PIGT: variants seen among roughly 807,000 people sequenced by gnomAD.
PIGT encodes GPI-anchor transamidase component PIGT.
A neutral mutation model predicts 66.7 loss-of-function variants in PIGT; 57 were observed. That is an observed-to-expected ratio of 0.86 (90% CI 0.69 to 1.07). The LOEUF is 1.07. Among genes scored for constraint, PIGT ranks in the 50% least tolerant of loss-of-function variants. PIGT has a pLI of 0.00. For synonymous variants in PIGT, 362 were observed against 320.5 expected (o/e 1.13, Z -1.38); for missense variants, 725 against 740.4 (o/e 0.98, Z 0.24).
At chr20:45,420,744 G>T in intron 8 of PIGT, 51 bp downstream of exon 8, 1 of 1,576,696 alleles carries the variant, frequency 6.3e-7, no homozygotes, top group South Asian at 1.1e-5. Context: ...ACAGAGAAAA[G>T]ACTCACAATC....
chr20:45,420,009 T>G, intron 5 of PIGT, 127 bp from the exon 6 acceptor site: 1 of 691,184 alleles, frequency 1.4e-6, no homozygotes, highest in Non-Finnish European at 2.5e-6. Context: ...TGCTCAGGAG[T>G]GGGTGGTAGC....
At chr20:45,419,986 G>C (rs1372884308) in intron 5 of PIGT, 150 bp from the exon 6 acceptor site, 2 of 637,642 alleles carry the variant, frequency 3.1e-6, no homozygotes, top group Non-Finnish European at 2.8e-6. Flanking sequence ...ACGGGGTCTG[G>C]CACGAGGTCA....
intron 11 of PIGT, 45 bp downstream of exon 11, chr20:45,424,624 C>A: frequency 6.6e-7 from 1 of 1,518,544 alleles, no homozygotes; most frequent in Non-Finnish European, 9.1e-7. Flanking sequence ...CAGCTGCCTG[C>A]TGGGCCTTAA....
chr20:45,424,522 C>T lies in PIGT; in HGVS notation c.1427C>T (p.Pro476Leu). Residue 476 changes from proline to leucine, a missense_variant, in exon 11 of 12, where the codon CCC becomes CTC. Pro to Leu is a moderately conservative substitution (Grantham distance 98, BLOSUM62 -3). Coordinates refer to ENST00000279036, the MANE Select transcript of PIGT (RefSeq NM_015937.6). ...CCATCTGTCCTCAGCGCCCTTGTGC[C>T]CAGCATGGTAGCAGCCAAGCCAGTG... ...VSPSVLSALV[P>L]SMVAAKPVDW... The T allele has an allele frequency of 6.2e-7, 1 of 1,614,158 alleles. No individual in the cohort carries two copies.
rs776974834 is a variant in PIGT at position 45,420,214 on chromosome 20, GGAAA to G, written c.766_769del (p.Lys256ThrfsTer38). The G allele has an allele frequency of 3.1e-6, 5 of 1,610,456 alleles. No individual in the cohort carries two copies. The highest frequency in any genetic ancestry group is 1.1e-5 in the South Asian group (1 of 90,254). ...ATTTGATGCCTTCATCACGGGGCAG[GGAAA>G]GAAAGGTAAGTTACCTTGGCAACTC... is the stretch of plus-strand genomic sequence containing the variant. On this transcript the variant is annotated frameshift_variant, in exon 6 of 12. Coordinates refer to ENST00000279036, the MANE Select transcript of PIGT (RefSeq NM_015937.6). LOFTEE classifies it high-confidence loss of function.
chr20:45,424,304 G>A lies in PIGT; in HGVS notation c.1323G>A (p.Lys441=), dbSNP rs371472718. ...AGCTGCCGGCCAACTCAGTCACCAA[G>A]GTTTCCATCCAGTTTGAGCGGGCGC... The part of the protein sequence containing the change: ...LIQLPANSVT[K]VSIQFERALL... Residue 441 remains lysine, a synonymous_variant, in exon 10 of 12, where the codon AAG becomes AAA. Transcript: ENST00000279036. 1 of 1,614,190 alleles carries A rather than the reference G, an allele frequency of 6.2e-7. No homozygotes were observed. Among genetic ancestry groups the A allele is most frequent in the South Asian group, 1.1e-5 (1 of 91,086 alleles).
intron 2 of PIGT, chr20:45,418,003 G>A (rs996211484): frequency 3.3e-5 from 5 of 152,196 alleles, no homozygotes; most frequent in Admixed American, 6.5e-5. Flanking sequence ...TGCCTGAAAT[G>A]TGGAGCAAAT....
At chr20:45,424,139 A>T in intron 9 of PIGT, 77 bp from the exon 10 acceptor site, 1 of 1,402,564 alleles carries the variant, frequency 7.1e-7, no homozygotes, top group Non-Finnish European at 1.0e-6. Context: ...TTGAGGCTCC[A>T]TGGCAAGCAG....
At position 45,424,300 on chromosome 20, in the gene PIGT, C is replaced by G. The variant is rs762166100; in HGVS notation, c.1319C>G (p.Thr440Ser). 1 of 1,614,186 alleles carries G rather than the reference C, an allele frequency of 6.2e-7. No individual in the cohort carries two copies. Among genetic ancestry groups the G allele is most frequent in the South Asian group, 1.1e-5 (1 of 91,072 alleles). ...MLIQLPANSV[T>S]KVSIQFERAL... ...ATTCAGCTGCCGGCCAACTCAGTCA[C>G]CAAGGTTTCCATCCAGTTTGAGCGG... The change falls in exon 10 of 12, where the codon ACC becomes AGC. Residue 440 changes from threonine (T) to serine (S), a missense_variant. Transcript: ENST00000279036.
rs2145446603 is a variant in PIGT at position 45,419,682 on chromosome 20, A to G, written c.681+92A>G. On this transcript the variant is annotated intron_variant, in intron 5 of 11. Transcript: ENST00000279036. ...GTCAGTGTCTGGCTCAGGCTGAGTG[A>G]GTACTGAGTGGTAGATGTGATGACG... is the stretch of plus-strand genomic sequence containing the variant. 3.4e-6 allele frequency: 3 copies of G among 891,988 alleles called. No homozygotes were observed. In the East Asian group the frequency reaches 7.2e-5, roughly 21 times the overall value. The allele number at this position is 891,988 out of a possible 1,614,324, so 55.3% of individuals were successfully genotyped here.
intron 2 of PIGT, 131 bp downstream of exon 2, chr20:45,416,825 TG>T (rs956901074): frequency 1.2e-5 from 9 of 781,614 alleles, no homozygotes; most frequent in Non-Finnish European, 1.7e-5. Context: ...GAGCTGGCAT[TG>T]GAAGTAAGAA....
Position 45,416,524 on chromosome 20 carries a change from T to C in PIGT, c.195T>C (p.His65=). ...DSELQREGVS[H]YRLFPKALGQ... is the part of the protein sequence containing the mutation. ...CTGCTCCCGTTTCCCCAGTGTCCCA[T>C]TACAGGCTCTTTCCCAAAGCCCTGG... Residue 65 remains histidine, a synonymous_variant, in exon 2 of 12, where the codon CAT becomes CAC. Coordinates refer to ENST00000279036, the MANE Select transcript of PIGT (RefSeq NM_015937.6). The C allele has an allele frequency of 2.5e-6, 4 of 1,614,042 alleles. No individual in the cohort carries two copies. The highest frequency in any genetic ancestry group is 2.7e-5 in the African/African-American group (2 of 75,058).
In PIGT at chr20:45,424,352, G is replaced by C; in HGVS notation, c.1371G>C (p.Thr457=). ...CGCTGCTGAAGTGGACCGAGTACAC[G>C]CCAGATCCTAACCATGGCTTCTATG... ...ERALLKWTEY[T]PDPNHGFYVS... Residue 457 remains threonine (T), a synonymous_variant, in exon 10 of 12, where the codon ACG becomes ACC. Transcript: ENST00000279036. The C allele has an allele frequency of 6.2e-7, 1 of 1,613,912 alleles. No individual in the cohort carries two copies. The highest frequency in any genetic ancestry group is 8.5e-7 in the Non-Finnish European group (1 of 1,179,950).
Position 45,420,327 on chromosome 20 carries a change from C to T in PIGT, c.770-5C>T, listed in dbSNP as rs1202028360. 6.2e-7 allele frequency: 1 copy of T among 1,611,718 alleles called. No individual in the cohort carries two copies. Among genetic ancestry groups the T allele is most frequent in the South Asian group, 1.1e-5 (1 of 90,558 alleles). ...CCCTGCTCAGCCCTGCGCTCTGTTT[C>T]TCAGACTGGTCCCTCTTCCGGATGT... On this transcript the variant is annotated splice_polypyrimidine_tract_variant and splice_region_variant and intron_variant, in intron 6 of 11. Coordinates refer to ENST00000279036, the MANE Select transcript of PIGT (RefSeq NM_015937.6).
Position 45,416,498 on chromosome 20 carries a change from CCTG to C in PIGT, c.188-16_188-14del, listed in dbSNP as rs763989237. ...CCGACGAGGTGGGGATCGTCACTCACCTGCTCCCGTTTCCCCAGTGTCCCATTA... is the reference window on the plus strand; with the variant it reads ...CCGACGAGGTGGGGATCGTCACTCACCTCCCGTTTCCCCAGTGTCCCATTA... On this transcript the variant is annotated splice_polypyrimidine_tract_variant and intron_variant, in intron 1 of 11. Coordinates refer to ENST00000279036, the MANE Select transcript of PIGT (RefSeq NM_015937.6). 20 of 1,611,524 alleles carry C rather than the reference CCTG, an allele frequency of 1.2e-5. No homozygotes were observed. The highest frequency in any genetic ancestry group is 1.7e-5 in the Admixed American group (1 of 59,860).
intron 2 of PIGT, chr20:45,417,864 G>C (rs1253165457): frequency 6.6e-6 from 1 of 152,122 alleles, no homozygotes; most frequent in Non-Finnish European, 1.5e-5. Flanking sequence ...AAAGCTCCTG[G>C]ACAACACTAA....
At chr20:45,420,052 G>A in intron 5 of PIGT, 84 bp from the exon 6 acceptor site, 1 of 921,218 alleles carries the variant, frequency 1.1e-6, no homozygotes, top group Middle Eastern at 3.1e-4. Flanking sequence ...ATAGATGAGG[G>A]ATTGAGTCTG....
At position 45,420,446 on chromosome 20, in the gene PIGT, C is replaced by A; in HGVS notation, c.867+17C>A. On this transcript the variant is annotated intron_variant, in intron 7 of 11. Transcript: ENST00000279036. The stretch of plus-strand genomic sequence containing the variant: ...TACAACCAGGTAACAAGGTCTCCAG[C>A]CACACACACAAACACACCGCTGGTC... 1.2e-6 allele frequency: 2 copies of A among 1,610,538 alleles called. No individual in the cohort carries two copies. Among genetic ancestry groups the A allele is most frequent in the South Asian group, 2.2e-5 (2 of 90,918 alleles).
At position 45,416,652 on chromosome 20, in the gene PIGT, C is replaced by T. The variant is rs200326105; in HGVS notation, c.323C>T (p.Ser108Leu). Residue 108 changes from serine to leucine, a missense_variant, in exon 2 of 12, where the codon TCA (serine) becomes TTA (leucine). Transcript: ENST00000279036. ...YWGPPFLQAP[S>L]GAELWVWFQD... is the part of the protein sequence containing the mutation. ...GGGCCACCCTTCCTGCAGGCCCCATCAGGTGCAGAGCTGTGGGTCTGGTTC... is the reference window on the plus strand; with the variant it reads ...GGGCCACCCTTCCTGCAGGCCCCATTAGGTGCAGAGCTGTGGGTCTGGTTC... 5 of 1,614,078 alleles carry T rather than the reference C, an allele frequency of 3.1e-6. No homozygotes were observed. In the East Asian group the frequency reaches 1.1e-4, roughly 36 times the overall value.
Sources: gnomAD v4.1 joint callset for allele counts on GRCh38, gnomAD v4.1.1 for gene constraint, MANE v1.5 for transcripts, NCBI Gene and HGNC (gene_info 2026-07-23, HGNC 2026-07-21) for gene names.